The following ADH4 variants were observed in gnomAD, a reference collection of about 807,000 sequenced individuals.
ADH4 encodes all-trans-retinol dehydrogenase [NAD(+)] ADH4.
A neutral mutation model predicts 35.2 loss-of-function variants in ADH4; 31 were observed. The observed-to-expected ratio is 0.88, with a 90% CI of 0.66 to 1.19. The LOEUF is 1.19. Among genes scored for constraint, ADH4 ranks in the 50% most tolerant of loss-of-function variants. The probability of loss-of-function intolerance (pLI) is 0.00; values close to 1 mark genes in which losing one functional copy is unlikely to be tolerated. For missense variants in ADH4, 476 were observed against 458.3 expected, an observed-to-expected ratio of 1.04 and a Z score of -0.35; for synonymous variants, 171 against 160.2, an observed-to-expected ratio of 1.07 and a Z score of -0.51.
chr4:99,127,545 A>T (rs1329603285), intron 6 of ADH4, among the ~76,000 whole-genome samples: 2 of 152,216 alleles, frequency 1.3e-5, no homozygotes, highest in South Asian at 2.1e-4. Context: ...TGTTCAGCAC[A>T]GTCCGGGTGC....
At chr4:99,138,955 G>C in intron 4 of ADH4, 106 bp downstream of exon 4, 1 of 705,742 alleles carries the variant, frequency 1.4e-6, no homozygotes, top group Non-Finnish European at 2.4e-6. Flanking sequence ...ATTAGAATTA[G>C]TGGGTGGAAG....
At chr4:99,124,866 C>G (rs1391024574) in intron 8 of ADH4, among the ~76,000 whole-genome samples, 2 of 149,200 alleles carry the variant, frequency 1.3e-5, no homozygotes, top group Non-Finnish European at 3.0e-5. Flanking sequence ...TGGGATGCTA[C>G]TTTTTAAGAA....
chr4:99,129,318 GA>G (rs943136785), intron 6 of ADH4, among the ~76,000 whole-genome samples: 7 of 151,868 alleles, frequency 4.6e-5, no homozygotes, highest in Non-Finnish European at 1.0e-4. Context: ...TATTTAAAAG[GA>G]AAAAATTAGG....
intron 4 of ADH4, among the ~76,000 whole-genome samples, chr4:99,138,258 A>G (rs995927310): frequency 6.6e-5 from 10 of 152,206 alleles, no homozygotes; most frequent in African/African-American, 2.2e-4. Context: ...AGTTCTTTGA[A>G]TATCTAGAAC....
intron 2 of ADH4, 144 bp from the exon 3 acceptor site, chr4:99,141,826 A>G: frequency 1.3e-6 from 1 of 741,796 alleles, no homozygotes; most frequent in Non-Finnish European, 2.0e-6. Context: ...TGAAAAAAGA[A>G]CCAATAAAAA....
intron 5 of ADH4, among the ~76,000 whole-genome samples, chr4:99,132,710 T>C (rs29001201): frequency 0.21 from 32,027 of 152,174 alleles, 4,045 homozygotes; most frequent in Non-Finnish European, 0.28. Flanking sequence ...CTACAGACTA[T>C]TATAGCGATA....
At position 99,142,708 on chromosome 4, in the gene ADH4, G is replaced by T. The variant is rs1310916591; in HGVS notation, c.91C>A (p.Pro31Thr). The change falls in exon 2 of 9, where the codon CCC becomes ACC. Residue 31 changes from proline to threonine, a missense_variant. By Grantham distance (38) the Pro-to-Thr change is conservative. Transcript: ENST00000265512. ...ATGCGAACTTCATGAGCCTTGGGGG[G>T]AGCTACTTCAACCTCTTCAATGCAA... is the stretch of plus-strand genomic sequence containing the variant. ...PLCIEEVEVA[P>T]PKAHEVRIQI... 1 of 1,601,534 alleles carries T rather than the reference G, an allele frequency of 6.2e-7. No homozygotes were observed. The highest frequency in any genetic ancestry group is 1.3e-5 in the African/African-American group (1 of 74,154).
At chr4:99,128,172 C>A (rs1027749773) in intron 6 of ADH4, among the ~76,000 whole-genome samples, 2 of 152,092 alleles carry the variant, frequency 1.3e-5, no homozygotes, top group South Asian at 4.1e-4. Flanking sequence ...TGGTGGCTCA[C>A]GCCTGTAATC....
intron 3 of ADH4, among the ~76,000 whole-genome samples, chr4:99,140,671 C>T (rs1396573816): frequency 7.9e-5 from 12 of 151,884 alleles, no homozygotes; most frequent in Non-Finnish European, 8.8e-5. Context: ...AGTTCGAGAC[C>T]AGCCTAGCCA....
Position 99,127,180 on chromosome 4 carries a change from T to G in ADH4, c.979+29A>C. 3 of 1,561,970 alleles carry G rather than the reference T, an allele frequency of 1.9e-6. No homozygotes were observed. In the South Asian group the frequency reaches 3.6e-5, roughly 19 times the overall value. ...ATTTCAGAACTACTAGGAAAAGAATTTAAAGCTATGAAGAAAAAAAAAACT... is the reference window on the plus strand; with the variant it reads ...ATTTCAGAACTACTAGGAAAAGAATGTAAAGCTATGAAGAAAAAAAAAACT... On this transcript the variant is annotated intron_variant, in intron 7 of 8. Coordinates refer to ENST00000265512, the MANE Select transcript of ADH4 (RefSeq NM_000670.5).
intron 4 of ADH4, among the ~76,000 whole-genome samples, chr4:99,137,454 G>A (rs1234225087): frequency 6.6e-6 from 1 of 151,842 alleles, no homozygotes; most frequent in Non-Finnish European, 1.5e-5. Flanking sequence ...TAGAGACGGG[G>A]TTTCTCCGTG....
intron 2 of ADH4, 147 bp downstream of exon 2, chr4:99,142,532 C>T: frequency 2.4e-6 from 1 of 413,400 alleles, no homozygotes; most frequent in Non-Finnish European, 4.3e-6. Context: ...TGGGATAATG[C>T]CTGTTTTTGA....
At position 99,131,581 on chromosome 4, in the gene ADH4, T is replaced by G. The variant is rs1035991779; in HGVS notation, c.766A>C (p.Ile256Leu). Residue 256 changes from isoleucine to leucine, a missense_variant, in exon 6 of 9, where the codon ATC becomes CTC. Coordinates refer to ENST00000265512, the MANE Select transcript of ADH4 (RefSeq NM_000670.5). ...GTCAATTCAATGATAACTTCCTGGA[T>G]CGGTTTATGTAAGTCTCTAGGATTG... ...CLNPRDLHKP[I>L]QEVIIELTKG... 6.2e-7 allele frequency: 1 copy of G among 1,614,006 alleles called. No individual in the cohort carries two copies. The highest frequency in any genetic ancestry group is 1.3e-5 in the African/African-American group (1 of 74,916).
At chr4:99,124,924 G>C (rs1729036317) in intron 8 of ADH4, among the ~76,000 whole-genome samples, 1 of 152,172 alleles carries the variant, frequency 6.6e-6, no homozygotes, top group Admixed American at 6.5e-5. Flanking sequence ...GACACAAAGA[G>C]GGGGATAAGC....
intron 5 of ADH4, among the ~76,000 whole-genome samples, chr4:99,134,093 T>A (rs1021236934): frequency 6.6e-6 from 1 of 152,168 alleles, no homozygotes; most frequent in African/African-American, 2.4e-5. Context: ...ATCTCACTTA[T>A]ATGTGGAAAA....
intron 1 of ADH4, chr4:99,142,996 A>G (rs1354865100): frequency 1.5e-6 from 1 of 648,234 alleles, no homozygotes; most frequent in Admixed American, 2.6e-5. Flanking sequence ...CATTATAGTC[A>G]TTACATTTTT....
intron 1 of ADH4, 121 bp downstream of exon 1, chr4:99,144,084 A>G (rs1430522832): frequency 2.6e-6 from 3 of 1,169,384 alleles, no homozygotes; most frequent in East Asian, 2.4e-5. Flanking sequence ...GGGGTCACTC[A>G]TATCCTTTTG....
In ADH4 at chr4:99,124,227, C is replaced by A; in HGVS notation, c.*215G>T. 2 of 443,672 alleles carry A rather than the reference C, an allele frequency of 4.5e-6. No homozygotes were observed. The highest frequency in any genetic ancestry group is 7.9e-6 in the Non-Finnish European group (2 of 251,990). 27.5% of individuals were successfully genotyped at this position (443,672 alleles called of 1,614,324 possible). A position where few individuals can be genotyped will look rare whatever the true frequency, so the allele number is the denominator to read the frequency against. Reference sequence around the variant, plus strand: ...TTTCTAAAGATGATATGATTCTATTCATAAACACTAGTTATTATTATTATT... The same window carrying A: ...TTTCTAAAGATGATATGATTCTATTAATAAACACTAGTTATTATTATTATT... On this transcript the variant is annotated 3_prime_UTR_variant, in exon 9 of 9. Coordinates refer to ENST00000265512, the MANE Select transcript of ADH4 (RefSeq NM_000670.5).
chr4:99,128,582 A>G (rs1279068304), intron 6 of ADH4, among the ~76,000 whole-genome samples: 1 of 152,198 alleles, frequency 6.6e-6, no homozygotes, highest in Admixed American at 6.5e-5. Context: ...TGTGTAATAT[A>G]AAATCTGAAA....
Sources: allele counts gnomAD v4.1 joint callset (sites outside exome capture counted in the v4.1 genomes callset), GRCh38; gene constraint gnomAD v4.1.1; transcripts MANE v1.5; gene names NCBI Gene and HGNC (gene_info 2026-07-23, HGNC 2026-07-21).